CUL5: variants seen among roughly 807,000 people sequenced by gnomAD.
The protein encoded by CUL5 is cullin 5.
Under a neutral mutation model 108.8 loss-of-function variants are expected in CUL5, and 26 were observed. The ratio of observed to expected loss-of-function variants is 0.24; its 90% CI spans 0.18 to 0.33. The LOEUF is 0.33. CUL5 is among the 10% of genes least tolerant of loss of function. The pLI is 1.00. For synonymous variants in CUL5, 334 were observed against 298.0 expected (o/e 1.12, Z -1.25); for missense variants, 524 against 909.2 (o/e 0.58, Z 5.45).
At chr11:108,080,853 A>G (rs1033918889) in intron 11 of CUL5, among the ~76,000 whole-genome samples, 21 of 152,078 alleles carry the variant, frequency 1.4e-4, no homozygotes, top group African/African-American at 5.1e-4. Context: ...CCTTTGATGC[A>G]CAAAAGCTTT....
At chr11:108,099,005 CTT>C (rs4027717) in intron 18 of CUL5, among the ~76,000 whole-genome samples, 6 of 133,126 alleles carry the variant, frequency 4.5e-5, no homozygotes, top group Admixed American at 8.0e-5. Flanking sequence ...GGCCAGTGTA[CTT>C]TTTTTTTTTT....
At position 108,094,879 on chromosome 11, in the gene CUL5, C is replaced by T; in HGVS notation, c.1635C>T (p.Val545=). Residue 545 remains valine (V), a synonymous_variant, in exon 15 of 19, where the codon GTC becomes GTT. Coordinates refer to ENST00000393094, the MANE Select transcript of CUL5 (RefSeq NM_003478.6). ...AWSRSSEKVF[V]SLPTELEDLI... is the part of the protein sequence containing the mutation. ...CAAGAAGTTCTGAGAAAGTCTTTGTCTCACTTCCTACTGAACTGGAGGACT... is the reference window on the plus strand; with the variant it reads ...CAAGAAGTTCTGAGAAAGTCTTTGTTTCACTTCCTACTGAACTGGAGGACT... 3 of 1,612,874 alleles carry T rather than the reference C, an allele frequency of 1.9e-6. No individual in the cohort carries two copies. The highest frequency in any genetic ancestry group is 1.7e-6 in the Non-Finnish European group (2 of 1,179,314).
intron 11 of CUL5, among the ~76,000 whole-genome samples, chr11:108,087,712 A>G (rs1232755434): frequency 2.0e-5 from 3 of 152,208 alleles, no homozygotes; most frequent in Non-Finnish European, 4.4e-5. Context: ...GTATAATCCT[A>G]GCACTTTTTT....
chr11:108,028,098 A>T (rs955777441), intron 1 of CUL5, among the ~76,000 whole-genome samples: 2 of 152,172 alleles, frequency 1.3e-5, no homozygotes, highest in Non-Finnish European at 2.9e-5. Context: ...CTGTATTCTG[A>T]TGACTTCAAG....
intron 4 of CUL5, among the ~76,000 whole-genome samples, chr11:108,050,333 G>T: frequency 1.3e-5 from 2 of 149,566 alleles, no homozygotes; most frequent in African/African-American, 4.9e-5. Flanking sequence ...CCTTCTCCTG[G>T]TATTCAGTAT....
At chr11:108,072,215 ACTC>A (rs1272986773) in intron 8 of CUL5, 114 bp from the exon 9 acceptor site, 1 of 788,366 alleles carries the variant, frequency 1.3e-6, no homozygotes, top group Non-Finnish European at 1.9e-6. Context: ...ACGAACAACT[ACTC>A]CTAATGGCAT....
In CUL5 at chr11:108,014,644, C is replaced by T. The variant is rs1325607572; in HGVS notation, c.24+5272C>T. ...GACATCTTGTTCATTGAAACCGTAA[C>T]CATAGCAGGAGTAATTAAGTCTATG... On this transcript the variant is annotated intron_variant, in intron 1 of 18. Coordinates refer to ENST00000393094, the MANE Select transcript of CUL5 (RefSeq NM_003478.6). 2.0e-5 allele frequency among the ~76,000 whole-genome samples: 3 copies of T among 152,100 alleles called. No individual in the cohort carries two copies. In the East Asian group the frequency reaches 5.8e-4, roughly 29 times the overall value.
At chr11:108,014,763 T>G (rs375154264) in intron 1 of CUL5, among the ~76,000 whole-genome samples, 3 of 152,314 alleles carry the variant, frequency 2.0e-5, no homozygotes, top group South Asian at 2.1e-4. Context: ...CCTTGTATAA[T>G]TTACATTTTT....
In CUL5 at chr11:108,013,417, T is replaced by C. The variant is rs146622801; in HGVS notation, c.24+4045T>C. The stretch of plus-strand genomic sequence containing the variant: ...TTTCCTGTTCAGATACCTTTGATGA[T>C]TCAAATTATTTGAGATCTTTCCAGC... On this transcript the variant is annotated intron_variant, in intron 1 of 18. Transcript: ENST00000393094. Among the ~76,000 whole-genome samples the C allele has an allele frequency of 2.7e-3, 417 of 152,332 alleles. 1 individual carries two copies. The highest frequency in any genetic ancestry group is 4.7e-3 in the Non-Finnish European group (322 of 68,032).
At chr11:108,078,302 A>G (rs1235570264) in intron 11 of CUL5, 62 bp downstream of exon 11, 1 of 881,490 alleles carries the variant, frequency 1.1e-6, no homozygotes, top group African/African-American at 1.7e-5. Context: ...ATAGGGGTTA[A>G]CTAGGTATAC....
intron 7 of CUL5, among the ~76,000 whole-genome samples, chr11:108,055,397 T>G (rs1268806870): frequency 6.6e-6 from 1 of 152,118 alleles, no homozygotes; most frequent in East Asian, 1.9e-4. Flanking sequence ...TAGGGGATAT[T>G]TCTTCTCCTT....
intron 16 of CUL5, 141 bp from the exon 17 acceptor site, chr11:108,097,495 A>G (rs1163234536): frequency 3.5e-6 from 2 of 563,606 alleles, no homozygotes; most frequent in Non-Finnish European, 6.3e-6. Flanking sequence ...ATGCATTCAA[A>G]TGTTATATTC....
rs1327553429 is a variant in CUL5 at position 108,106,384 on chromosome 11, T to C, written c.*2000T>C. On this transcript the variant is annotated 3_prime_UTR_variant, in exon 19 of 19. Coordinates refer to ENST00000393094, the MANE Select transcript of CUL5 (RefSeq NM_003478.6). ...TAATTTAAGAATGAGAGTCATGATG[T>C]TTTGATTTATGAAGGTGAATTTAAT... is the stretch of plus-strand genomic sequence containing the variant. 1 of 152,578 alleles carries C rather than the reference T, an allele frequency of 6.6e-6. No individual in the cohort carries two copies. Among genetic ancestry groups the C allele is most frequent in the African/African-American group, 2.4e-5 (1 of 41,450 alleles). The allele number at this position is 152,578 out of a possible 1,614,324, so 9.5% of individuals were successfully genotyped here.
intron 1 of CUL5, among the ~76,000 whole-genome samples, chr11:108,012,746 G>A (rs760605724): frequency 4.9e-4 from 74 of 151,932 alleles, no homozygotes; most frequent in Admixed American, 1.5e-3. Flanking sequence ...ACAGGCACAC[G>A]CCACCACACC....
intron 5 of CUL5, among the ~76,000 whole-genome samples, chr11:108,053,754 A>G (rs12270224): frequency 0.2 from 30,357 of 148,496 alleles, 3,178 homozygotes; most frequent in Middle Eastern, 0.23. Flanking sequence ...ATCATGGCTC[A>G]TTGAGCCTCC....
intron 18 of CUL5, among the ~76,000 whole-genome samples, chr11:108,103,411 AG>A (rs200436493): frequency 3.0e-4 from 45 of 151,308 alleles, no homozygotes; most frequent in Middle Eastern, 3.4e-3. Context: ...AAAGAGAAGA[AG>A]GGGAAAAAAA....
chr11:108,018,279 C>T (rs1862250125), intron 1 of CUL5, among the ~76,000 whole-genome samples: 1 of 152,176 alleles, frequency 6.6e-6, no homozygotes, highest in Admixed American at 6.5e-5. Flanking sequence ...CATAGAATTG[C>T]AGTAGTAAGA....
In CUL5 at chr11:108,033,786, C is replaced by T. The variant is rs1344817421; in HGVS notation, c.25-16C>T. 3 of 1,152,552 alleles carry T rather than the reference C, an allele frequency of 2.6e-6. No individual in the cohort carries two copies. Among genetic ancestry groups the T allele is most frequent in the African/African-American group, 1.6e-5 (1 of 61,686 alleles). The allele number at this position is 1,152,552 out of a possible 1,614,324, so 71.4% of individuals were successfully genotyped here. A position where few individuals can be genotyped will look rare whatever the true frequency, so the allele number is the denominator to read the frequency against. ...GCATTTAAATTAAACTCCCTTTTAT[C>T]TTTTTTTTTTTCAAGAATAAAGGTT... On this transcript the variant is annotated splice_polypyrimidine_tract_variant and intron_variant, in intron 1 of 18. Transcript: ENST00000393094.
intron 11 of CUL5, among the ~76,000 whole-genome samples, chr11:108,087,686 G>T (rs1359351670): frequency 6.6e-6 from 1 of 152,162 alleles, no homozygotes; most frequent in Admixed American, 6.5e-5. Context: ...CAGGAGCCAG[G>T]TGCGGTGGCC....
Sources: gnomAD v4.1 joint callset for allele counts (sites outside exome capture counted in the v4.1 genomes callset) on GRCh38, gnomAD v4.1.1 for gene constraint, MANE v1.5 for transcripts, NCBI Gene and HGNC (gene_info 2026-07-23, HGNC 2026-07-21) for gene names.